Variants in ABCB7 observed in about 807,000 individuals in gnomAD.
ABCB7 encodes iron-sulfur clusters transporter ABCB7, mitochondrial.
A neutral mutation model predicts 54.4 loss-of-function variants in ABCB7; 7 were observed. The observed-to-expected ratio is 0.13, with a 90% CI of 0.07 to 0.24. The LOEUF (loss-of-function observed/expected upper bound fraction) is 0.24. ABCB7 is among the 10% of genes least tolerant of loss of function. The pLI is 1.00. For missense variants in ABCB7, 356 were observed against 570.4 expected (o/e 0.62, Z 3.83); for synonymous variants, 218 against 207.1 (o/e 1.05, Z -0.45).
intron 1 of ABCB7, among the ~76,000 whole-genome samples, chrX:75,125,085 T>C (rs1418159541): frequency 8.9e-6 from 1 of 111,859 alleles, no homozygotes; most frequent in African/African-American, 3.2e-5. Context: ...ATGTGTCAGA[T>C]TGCCACTGGT....
chrX:75,077,351 A>C (rs886132407), intron 4 of ABCB7, among the ~76,000 whole-genome samples: 3 of 112,113 alleles, frequency 2.7e-5, no homozygotes, highest in African/African-American at 9.7e-5. Flanking sequence ...ATGAGAATAC[A>C]TCAAAATAAA....
chrX:75,053,731 G>A, intron 15 of ABCB7, 146 bp from the exon 16 acceptor site: 1 of 939,674 alleles, frequency 1.1e-6, no homozygotes, highest in African/African-American at 2.0e-5. Context: ...CAGTATAAGT[G>A]AAAAAAATTT....
chrX:75,142,706 G>GT (rs1434778152), intron 1 of ABCB7, among the ~76,000 whole-genome samples: 6 of 112,063 alleles, frequency 5.4e-5, no homozygotes, highest in Non-Finnish European at 1.1e-4. Flanking sequence ...ACTGAAGGTG[G>GT]TTCCCCATCT....
intron 1 of ABCB7, among the ~76,000 whole-genome samples, chrX:75,139,625 T>C (rs1233653762): frequency 8.9e-6 from 1 of 112,415 alleles, no homozygotes; most frequent in Non-Finnish European, 1.9e-5. Context: ...TTACATTTTA[T>C]TGAATTATTC....
intron 15 of ABCB7, among the ~76,000 whole-genome samples, chrX:75,056,219 A>G (rs1317790055): frequency 2.7e-5 from 3 of 111,493 alleles, no homozygotes; most frequent in Admixed American, 1.9e-4. Context: ...GCTTTATACC[A>G]TATGGTTTCA....
intron 4 of ABCB7, among the ~76,000 whole-genome samples, chrX:75,094,499 G>A (rs1016356549): frequency 3.6e-5 from 4 of 111,310 alleles, no homozygotes; most frequent in Non-Finnish European, 7.5e-5. Context: ...GATCACCTGA[G>A]GTCAGGAGTT....
chrX:75,115,266 C>CAAAAAAAAA (rs1160024642), intron 1 of ABCB7, among the ~76,000 whole-genome samples: 5 of 13,234 alleles, frequency 3.8e-4, no homozygotes, highest in East Asian at 3.9e-3. Flanking sequence ...GACTCTGTCT[C>CAAAAAAAAA]AAAAAAAAAA....
chrX:75,072,819 A>G (rs1252207211), intron 8 of ABCB7, among the ~76,000 whole-genome samples: 1 of 112,218 alleles, frequency 8.9e-6, no homozygotes, highest in Non-Finnish European at 1.9e-5. Context: ...TTAAATTTTT[A>G]AAAACTTTTT....
intron 1 of ABCB7, among the ~76,000 whole-genome samples, chrX:75,144,139 T>C (rs2082075020): frequency 9.0e-6 from 1 of 111,461 alleles, no homozygotes; most frequent in Non-Finnish European, 1.9e-5. Flanking sequence ...TCTTAATTAA[T>C]GTCCCTATCT....
intron 4 of ABCB7, among the ~76,000 whole-genome samples, chrX:75,092,486 C>T (rs1018130909): frequency 3.6e-5 from 4 of 111,120 alleles, no homozygotes; most frequent in African/African-American, 6.5e-5. Flanking sequence ...TAGAAGATAA[C>T]GTAAGATAAA....
intron 4 of ABCB7, among the ~76,000 whole-genome samples, chrX:75,091,785 T>C (rs959078361): frequency 2.7e-5 from 3 of 110,755 alleles, no homozygotes; most frequent in Non-Finnish European, 3.8e-5. Flanking sequence ...ATACCACCAA[T>C]GAACATATGC....
At position 75,107,838 on chromosome X, in the gene ABCB7, G is replaced by A. The variant is rs2081718155; in HGVS notation, c.333+5048C>T. 1.8e-5 allele frequency among the ~76,000 whole-genome samples: 2 copies of A among 110,856 alleles called. 1 individual carries two copies. Among genetic ancestry groups the A allele is most frequent in the Admixed American group, 1.9e-4 (2 of 10,460 alleles). On this transcript the variant is annotated intron_variant, in intron 3 of 15. Coordinates refer to ENST00000373394, the MANE Select transcript of ABCB7 (RefSeq NM_001271696.3). ...CAGGGGGGAAAGTGAAGGGAACTTT[G>A]TCTTGCACCTTAGGTACCAGCACAG...
intron 1 of ABCB7, among the ~76,000 whole-genome samples, chrX:75,117,766 C>A (rs1034275855): frequency 9.0e-6 from 1 of 111,680 alleles, no homozygotes; most frequent in Non-Finnish European, 1.9e-5. Context: ...GATGGGACTG[C>A]TGGAAAAAAT....
intron 3 of ABCB7, among the ~76,000 whole-genome samples, chrX:75,103,870 T>C (rs893244021): frequency 3.7e-5 from 4 of 108,441 alleles, no homozygotes; most frequent in African/African-American, 1.3e-4. Flanking sequence ...GTTTCATTGG[T>C]GTAGTCTTTA....
At chrX:75,076,120 AT>A (rs759085708) in intron 5 of ABCB7, among the ~76,000 whole-genome samples, 1 of 111,768 alleles carries the variant, frequency 8.9e-6, no homozygotes, top group East Asian at 2.8e-4. Context: ...GATTTGTGTC[AT>A]TACTAATGAA....
rs5981777 is a variant in ABCB7 at position 75,148,288 on chromosome X, T to C, written c.168+7817A>G. 6.0e-3 allele frequency among the ~76,000 whole-genome samples: 674 copies of C among 111,599 alleles called. 1 individual carries two copies. Among genetic ancestry groups the C allele is most frequent in the Non-Finnish European group, 0.01 (533 of 53,077 alleles). ...GCTTAAACATGAAATATTTTTCTCA[T>C]TGTAAAAACAAGTACAGTATATCAA... On this transcript the variant is annotated intron_variant, in intron 1 of 15. Coordinates refer to ENST00000373394, the MANE Select transcript of ABCB7 (RefSeq NM_001271696.3).
At chrX:75,148,141 C>A (rs1482276832) in intron 1 of ABCB7, among the ~76,000 whole-genome samples, 1 of 110,915 alleles carries the variant, frequency 9.0e-6, no homozygotes, top group African/African-American at 3.3e-5. Context: ...AAAAAATAAA[C>A]AAATAAAATA....
At chrX:75,138,189 T>A (rs2082025648) in intron 1 of ABCB7, among the ~76,000 whole-genome samples, 1 of 106,179 alleles carries the variant, frequency 9.4e-6, no homozygotes, top group Non-Finnish European at 1.9e-5. Flanking sequence ...TGTTAACAAG[T>A]GTTGACAAGG....
At chrX:75,063,379 T>A (rs1473431065) in intron 13 of ABCB7, among the ~76,000 whole-genome samples, 1 of 111,212 alleles carries the variant, frequency 9.0e-6, no homozygotes, top group East Asian at 2.8e-4. Flanking sequence ...CTGAAAAACA[T>A]ATTTTTCAGC....
Sources: gnomAD v4.1 joint callset for allele counts (sites outside exome capture counted in the v4.1 genomes callset) on GRCh38, gnomAD v4.1.1 for gene constraint, MANE v1.5 for transcripts, NCBI Gene and HGNC (gene_info 2026-07-23, HGNC 2026-07-21) for gene names.